Variants in MSRA observed in about 807,000 individuals in gnomAD.
MSRA encodes the protein methionine sulfoxide reductase A.
In MSRA, 54 loss-of-function variants were observed where a neutral mutation model predicts 31.3. The observed-to-expected ratio is 1.73, with a 90% CI of 1.39 to 2.17. The LOEUF (loss-of-function observed/expected upper bound fraction) is 2.17, where lower values mean the gene tolerates loss of function less well. Ranked by LOEUF, MSRA falls within the 30% of genes most tolerant of loss-of-function variation. The pLI, the probability that MSRA is intolerant of heterozygous loss-of-function variation, is 0.00. For synonymous variants in MSRA, 169 were observed against 116.5 expected (o/e 1.45, Z -2.90); for missense variants, 507 against 300.9 (o/e 1.69, Z -5.07).
rs191613867 is a variant in MSRA at position 10,174,000 on chromosome 8, C to A, written c.143-33833C>A. ...GCCTGGGCAGATTTCTAAGACAAGA[C>A]AAGATGTGAGGACTCGTGTCTACAT... On this transcript the variant is annotated intron_variant, in intron 1 of 5. Coordinates refer to ENST00000317173, the MANE Select transcript of MSRA (RefSeq NM_012331.5). Among the ~76,000 whole-genome samples the A allele has an allele frequency of 2.4e-4, 36 of 152,182 alleles. 1 individual carries two copies. The highest frequency in any genetic ancestry group is 2.2e-3 in the Admixed American group (34 of 15,288).
intron 1 of MSRA, among the ~76,000 whole-genome samples, chr8:10,076,852 A>G (rs1265926154): frequency 6.6e-6 from 1 of 152,036 alleles, no homozygotes; most frequent in African/African-American, 2.4e-5. Context: ...CTCAACATTT[A>G]AGAGCAGAGG....
chr8:10,293,583 A>G (rs955988040), intron 3 of MSRA, among the ~76,000 whole-genome samples: 2 of 152,174 alleles, frequency 1.3e-5, no homozygotes, highest in Non-Finnish European at 2.9e-5. Flanking sequence ...TTTGGATAGC[A>G]CTGTGGTGAC....
intron 1 of MSRA, among the ~76,000 whole-genome samples, chr8:10,074,839 C>G (rs1797925686): frequency 6.6e-6 from 1 of 151,780 alleles, no homozygotes; most frequent in African/African-American, 2.4e-5. Context: ...TTAGAGATTA[C>G]CCAGAGACGG....
intron 1 of MSRA, among the ~76,000 whole-genome samples, chr8:10,159,975 C>G (rs762824977): frequency 1.3e-5 from 2 of 152,200 alleles, no homozygotes; most frequent in Non-Finnish European, 2.9e-5. Context: ...CAGGAAGATA[C>G]TTTTATAACA....
chr8:10,076,555 A>C (rs1798003708), intron 1 of MSRA, among the ~76,000 whole-genome samples: 1 of 152,218 alleles, frequency 6.6e-6, no homozygotes. Context: ...GCATTTACGC[A>C]GCTTCCATTC....
intron 4 of MSRA, among the ~76,000 whole-genome samples, chr8:10,310,543 T>C (rs1801378776): frequency 6.6e-6 from 1 of 152,268 alleles, no homozygotes; most frequent in Non-Finnish European, 1.5e-5. Context: ...GTCTGCACTC[T>C]GAGTGACAGA....
chr8:10,138,367 A>G (rs1802447883), intron 1 of MSRA, among the ~76,000 whole-genome samples: 1 of 152,154 alleles, frequency 6.6e-6, no homozygotes, highest in Non-Finnish European at 1.5e-5. Flanking sequence ...CAGTGAAGGG[A>G]GAAGGAGAAG....
intron 1 of MSRA, among the ~76,000 whole-genome samples, chr8:10,142,661 G>C (rs1802814202): frequency 6.6e-6 from 1 of 152,158 alleles, no homozygotes; most frequent in African/African-American, 2.4e-5. Context: ...TCTGACTTCT[G>C]TTTGTTTTTA....
At chr8:10,383,382 TTGTGTGTTTC>T (rs1003802996) in intron 5 of MSRA, among the ~76,000 whole-genome samples, 2 of 152,086 alleles carry the variant, frequency 1.3e-5, no homozygotes, top group African/African-American at 4.8e-5. Flanking sequence ...AGCGTGTGTG[TTGTGTGTTTC>T]TGTGTGTGAA....
chr8:10,102,177 T>C (rs1174009173), intron 1 of MSRA, among the ~76,000 whole-genome samples: 2 of 152,198 alleles, frequency 1.3e-5, no homozygotes, highest in Non-Finnish European at 2.9e-5. Flanking sequence ...TTTATGTCTT[T>C]TGCTAAATTG....
chr8:10,066,172 C>T (rs148790088), intron 1 of MSRA, among the ~76,000 whole-genome samples: 3,156 of 152,088 alleles, frequency 0.021, 45 homozygotes, highest in Middle Eastern at 0.058. Flanking sequence ...TACAGGCGCC[C>T]AGCAGGGTTT....
chr8:10,325,274 C>T (rs1048849044), intron 5 of MSRA, among the ~76,000 whole-genome samples: 1 of 152,052 alleles, frequency 6.6e-6, no homozygotes, highest in Non-Finnish European at 1.5e-5. Context: ...CATCCTGCTG[C>T]AGTCATATGG....
At chr8:10,273,923 A>C (rs994918770) in intron 3 of MSRA, among the ~76,000 whole-genome samples, 1 of 152,108 alleles carries the variant, frequency 6.6e-6, no homozygotes, top group Admixed American at 6.5e-5. Context: ...TAAGAGGTCT[A>C]CCTGAGCCTA....
chr8:10,365,920 T>C (rs1986677), intron 5 of MSRA, among the ~76,000 whole-genome samples: 125,611 of 152,198 alleles, frequency 0.83, 53,175 homozygotes, highest in Non-Finnish European at 0.91. Flanking sequence ...TACCTCTGCA[T>C]ACTTGCCTTG....
intron 3 of MSRA, among the ~76,000 whole-genome samples, chr8:10,249,335 T>C (rs1234966733): frequency 6.6e-6 from 1 of 152,154 alleles, no homozygotes; most frequent in Non-Finnish European, 1.5e-5. Context: ...GGTCATTCTC[T>C]CCAAATTGAG....
chr8:10,224,476 G>A (rs1563238817), intron 2 of MSRA, among the ~76,000 whole-genome samples: 3 of 145,964 alleles, frequency 2.1e-5, no homozygotes, highest in Non-Finnish European at 4.5e-5. Flanking sequence ...TTAAACCACA[G>A]CCTCAACTAT....
chr8:10,262,975 C>A (rs1798559171), intron 3 of MSRA, among the ~76,000 whole-genome samples: 1 of 152,194 alleles, frequency 6.6e-6, no homozygotes, highest in African/African-American at 2.4e-5. Flanking sequence ...GCCCTGGTCC[C>A]TTGACTTCCT....
intron 1 of MSRA, among the ~76,000 whole-genome samples, chr8:10,133,126 C>G (rs1390083266): frequency 2.6e-5 from 4 of 152,106 alleles, no homozygotes; most frequent in African/African-American, 4.8e-5. Context: ...GTTCCTGGAT[C>G]AATTGTTGAT....
intron 2 of MSRA, among the ~76,000 whole-genome samples, chr8:10,229,584 A>G (rs898048142): frequency 6.6e-6 from 1 of 152,162 alleles, no homozygotes; most frequent in Non-Finnish European, 1.5e-5. Context: ...GGGAGGGCAG[A>G]GGTGGTGCAG....
Sources: gnomAD v4.1 joint callset for allele counts (sites outside exome capture counted in the v4.1 genomes callset) on GRCh38, gnomAD v4.1.1 for gene constraint, MANE v1.5 for transcripts, NCBI Gene and HGNC (gene_info 2026-07-23, HGNC 2026-07-21) for gene names.